The following NHERF4 variants were observed in gnomAD, a reference collection of about 807,000 sequenced individuals.
NHERF4 encodes Na(+)/H(+) exchange regulatory cofactor NHE-RF4.
At chr11:119,189,331 C>T in the NHERF4 span, 129 of 1,475,204 alleles carry the variant, frequency 8.7e-5, no homozygotes, top group Non-Finnish European at 1.2e-4. This position sits in a 1 kb window ranked among gnomAD's most constrained non-coding sequence, Gnocchi z 5.8. Context: ...GACTTCAGGT[C>T]GTGGTAGGTG....
At chr11:119,188,468 G>A in the NHERF4 span, 1 of 1,612,174 alleles carries the variant, frequency 6.2e-7, no homozygotes, top group South Asian at 1.1e-5. Context: ...GGGCCATGAG[G>A]AGACAGTGTC....
the NHERF4 span, chr11:119,189,633 C>A: frequency 1.1e-6 from 1 of 951,912 alleles, no homozygotes; most frequent in South Asian, 1.4e-5. The surrounding 1 kb of genome is among the most constrained non-coding windows in gnomAD (Gnocchi z 5.8). Context: ...CCAGGTGCTC[C>A]CTCCCTTCCT....
At chr11:119,186,563 T>G in the NHERF4 span, 1 of 1,614,134 alleles carries the variant, frequency 6.2e-7, no homozygotes, top group Non-Finnish European at 8.5e-7. The surrounding 1 kb of genome is among the most constrained non-coding windows in gnomAD (Gnocchi z 4.4). Flanking sequence ...CAGCAGGAGC[T>G]GGGCAGGGCT....
chr11:119,189,530 C>CGTGTCTT, the NHERF4 span: 1 of 1,607,740 alleles, frequency 6.2e-7, no homozygotes, highest in South Asian at 1.1e-5. This position sits in a 1 kb window ranked among gnomAD's most constrained non-coding sequence, Gnocchi z 5.8. Context: ...CAGGGGCTAC[C>CGTGTCTT]GTGTCTTCAC....
At chr11:119,189,187 TC>T in the NHERF4 span, 1 of 1,610,402 alleles carries the variant, frequency 6.2e-7, no homozygotes. The surrounding 1 kb of genome is among the most constrained non-coding windows in gnomAD (Gnocchi z 5.8). Flanking sequence ...AAGCCTGGAT[TC>T]CCCCTGGGGC....
the NHERF4 span, chr11:119,189,081 T>C: frequency 4.2e-5 from 67 of 1,614,022 alleles, no homozygotes; most frequent in African/African-American, 8.0e-5. This position sits in a 1 kb window ranked among gnomAD's most constrained non-coding sequence, Gnocchi z 5.8. Flanking sequence ...GGGTATCCTG[T>C]TGGGGGACAG....
At chr11:119,187,752 C>T in the NHERF4 span, 1 of 1,467,832 alleles carries the variant, frequency 6.8e-7, no homozygotes, top group Non-Finnish European at 9.0e-7. Context: ...CTGGGCCCCA[C>T]CTCGGGAAGA....
At chr11:119,188,368 G>A in the NHERF4 span, 1 of 1,614,028 alleles carries the variant, frequency 6.2e-7, no homozygotes, top group Admixed American at 1.7e-5. Flanking sequence ...AGTTCCTGTG[G>A]GAGGTGGACC....
chr11:119,189,628 T>C, the NHERF4 span: 2 of 1,014,470 alleles, frequency 2.0e-6, no homozygotes, highest in South Asian at 1.3e-5. The surrounding 1 kb of genome is among the most constrained non-coding windows in gnomAD (Gnocchi z 5.8). Context: ...CTGGCCCAGG[T>C]GCTCCCTCCC....
chr11:119,187,581 T>C, the NHERF4 span: 6 of 1,590,738 alleles, frequency 3.8e-6, no homozygotes, highest in Admixed American at 1.8e-5. Context: ...GGGTCCTTTC[T>C]GGTTGGTGCT....
At chr11:119,189,019 C>G in the NHERF4 span, 2 of 1,614,126 alleles carry the variant, frequency 1.2e-6, no homozygotes. The surrounding 1 kb of genome is among the most constrained non-coding windows in gnomAD (Gnocchi z 5.8). Flanking sequence ...CTCCAGGAGG[C>G]TCAGCTGCCC....
the NHERF4 span, chr11:119,186,410 C>A: frequency 1.9e-6 from 3 of 1,581,526 alleles, no homozygotes; most frequent in Admixed American, 5.0e-5. The surrounding 1 kb of genome is among the most constrained non-coding windows in gnomAD (Gnocchi z 4.4). Flanking sequence ...GTCTGCCAGG[C>A]ACACGGCGAA....
the NHERF4 span, chr11:119,189,981 A>C: frequency 2.7e-6 from 1 of 367,288 alleles, no homozygotes; most frequent in South Asian, 4.5e-5. The surrounding 1 kb of genome is among the most constrained non-coding windows in gnomAD (Gnocchi z 5.8). Flanking sequence ...TGGTGGGGGT[A>C]AGGGGCAGTG....
At chr11:119,187,396 G>T in the NHERF4 span, 20 of 1,614,118 alleles carry the variant, frequency 1.2e-5, 1 homozygote, top group South Asian at 2.2e-4. Flanking sequence ...AGGCCCAGGG[G>T]TCCGGCCCCG....
the NHERF4 span, chr11:119,189,869 C>T: frequency 2.8e-6 from 1 of 356,502 alleles, no homozygotes; most frequent in African/African-American, 2.0e-5. The surrounding 1 kb of genome is among the most constrained non-coding windows in gnomAD (Gnocchi z 5.8). Flanking sequence ...TATGCCTGCC[C>T]TCTGTGGGTG....
At chr11:119,188,348 GC>G in the NHERF4 span, 2 of 1,613,810 alleles carry the variant, frequency 1.2e-6, no homozygotes, top group East Asian at 2.2e-5. Flanking sequence ...GGATGTCTAT[GC>G]CCCAGGACAG....
the NHERF4 span, chr11:119,185,525 GAA>G: frequency 1.9e-6 from 3 of 1,613,508 alleles, no homozygotes; most frequent in South Asian, 3.3e-5. Flanking sequence ...GAGGCCAGGA[GAA>G]ATCCTCTGCA....
At chr11:119,188,135 G>A in the NHERF4 span, 5 of 1,541,134 alleles carry the variant, frequency 3.2e-6, no homozygotes, top group Non-Finnish European at 4.4e-6. Context: ...GGGCCTTGAC[G>A]GTCGCCCTGG....
the NHERF4 span, chr11:119,187,339 G>A: frequency 1.1e-5 from 17 of 1,613,596 alleles, no homozygotes; most frequent in Non-Finnish European, 1.4e-5. Context: ...TGCACATGAC[G>A]TGGCCCGAGC....
Sources: gnomAD v4.1 joint callset for allele counts on GRCh38, gnomAD v4.1.1 for gene constraint, Gnocchi (gnomAD v3.1) non-coding constraint, MANE v1.5 for transcripts, NCBI Gene and HGNC (gene_info 2026-07-23, HGNC 2026-07-21) for gene names.